SPACDR: variants seen among roughly 807,000 people sequenced by gnomAD.
SPACDR encodes uncharacterized protein C7orf61.
chr7:100,462,464 C>T, the SPACDR span, among the ~76,000 whole-genome samples: 5 of 151,752 alleles, frequency 3.3e-5, no homozygotes, highest in South Asian at 2.1e-4. Context: ...CAGCCTGCCT[C>T]GGCCTCCCAA....
At chr7:100,456,654 G>T in the SPACDR span, 1 of 803,930 alleles carries the variant, frequency 1.2e-6, no homozygotes, top group Non-Finnish European at 2.0e-6. Flanking sequence ...CCAATATTTT[G>T]ATACTTGTTT....
At chr7:100,461,462 G>A in the SPACDR span, among the ~76,000 whole-genome samples, 209 of 152,050 alleles carry the variant, frequency 1.4e-3, no homozygotes, top group Non-Finnish European at 2.3e-3. Flanking sequence ...ATTTTTTGTA[G>A]AGAGAGGGTT....
the SPACDR span, among the ~76,000 whole-genome samples, chr7:100,461,614 C>T: frequency 5.3e-5 from 8 of 152,102 alleles, no homozygotes; most frequent in Non-Finnish European, 8.8e-5. Flanking sequence ...ACACCCCTCC[C>T]ACTCCCTCCA....
chr7:100,456,807 G>A, the SPACDR span: 7 of 1,613,278 alleles, frequency 4.3e-6, no homozygotes, highest in Middle Eastern at 1.6e-4. Flanking sequence ...GGGTCGGGGG[G>A]CAGCATGGCA....
the SPACDR span, among the ~76,000 whole-genome samples, chr7:100,462,839 G>A: frequency 6.8e-6 from 1 of 146,126 alleles, no homozygotes; most frequent in African/African-American, 2.5e-5. Flanking sequence ...GCCGGGCATG[G>A]TGGCTCATGC....
chr7:100,463,430 G>A, the SPACDR span: 3 of 1,613,522 alleles, frequency 1.9e-6, no homozygotes, highest in Non-Finnish European at 2.5e-6. Flanking sequence ...AGACTTGACG[G>A]CCGTCCTCGG....
chr7:100,459,003 T>TC, the SPACDR span, among the ~76,000 whole-genome samples: 131 of 141,460 alleles, frequency 9.3e-4, 4 homozygotes, highest in Non-Finnish European at 9.4e-4. Context: ...CTTTTTACCT[T>TC]TTTTTTTTTT....
the SPACDR span, chr7:100,463,255 T>A: frequency 3.9e-3 from 3,578 of 916,184 alleles, 78 homozygotes; most frequent in East Asian, 0.042. Flanking sequence ...ATTACAGGCG[T>A]GAGTCACTGC....
chr7:100,463,484 G>A, the SPACDR span: 45 of 1,613,822 alleles, frequency 2.8e-5, no homozygotes, highest in Admixed American at 1.2e-4. Flanking sequence ...CTCCACCTCG[G>A]TCTCCTCTGT....
chr7:100,457,618 C>CA, the SPACDR span, among the ~76,000 whole-genome samples: 1 of 93,526 alleles, frequency 1.1e-5, no homozygotes, highest in Non-Finnish European at 2.1e-5. Context: ...CATGCCTGGC[C>CA]TTTTTTTTTT....
At chr7:100,461,432 G>A in the SPACDR span, among the ~76,000 whole-genome samples, 4 of 151,554 alleles carry the variant, frequency 2.6e-5, no homozygotes, top group Non-Finnish European at 5.9e-5. Context: ...GTGAGCCACC[G>A]ATTCCTGGCT....
the SPACDR span, chr7:100,463,243 G>T: frequency 1.2e-6 from 1 of 805,694 alleles, no homozygotes; most frequent in Non-Finnish European, 1.9e-6. Flanking sequence ...CAAAGTGCTG[G>T]GATTACAGGC....
At chr7:100,463,326 T>G in the SPACDR span, 1 of 1,499,084 alleles carries the variant, frequency 6.7e-7, no homozygotes, top group African/African-American at 1.4e-5. Flanking sequence ...CACTGGGGGC[T>G]GGGGAAAGAG....
At chr7:100,458,686 G>A in the SPACDR span, among the ~76,000 whole-genome samples, 1 of 152,200 alleles carries the variant, frequency 6.6e-6, no homozygotes, top group African/African-American at 2.4e-5. Context: ...AGCACTTTGG[G>A]AGGCCAAGGT....
the SPACDR span, chr7:100,456,888 A>G: frequency 6.2e-7 from 1 of 1,613,744 alleles, no homozygotes; most frequent in South Asian, 1.1e-5. Flanking sequence ...AACGGCCCAC[A>G]GCACCAGGTA....
the SPACDR span, chr7:100,463,697 A>C: frequency 4.3e-6 from 7 of 1,609,912 alleles, no homozygotes; most frequent in Middle Eastern, 1.7e-4. Flanking sequence ...CTGAGAACCA[A>C]GACACAGAGA....
the SPACDR span, among the ~76,000 whole-genome samples, chr7:100,458,464 G>T: frequency 1.3e-5 from 2 of 151,996 alleles, no homozygotes; most frequent in African/African-American, 4.8e-5. Flanking sequence ...CCCTCATGTT[G>T]TCCTTTAATA....
the SPACDR span, chr7:100,456,861 C>CGGCG: frequency 6.2e-7 from 1 of 1,613,444 alleles, no homozygotes; most frequent in South Asian, 1.1e-5. Context: ...GCGGTACAGC[C>CGGCG]GGCGCAGGTG....
At chr7:100,464,095 G>GGGGGGGGGGTT in the SPACDR span, 1 of 1,453,562 alleles carries the variant, frequency 6.9e-7, no homozygotes, top group Non-Finnish European at 9.2e-7. Flanking sequence ...TGGCGGGTGG[G>GGGGGGGGGGTT]GGATGGGGTG....
Sources: allele counts gnomAD v4.1 joint callset (sites outside exome capture counted in the v4.1 genomes callset), GRCh38; gene constraint gnomAD v4.1.1; transcripts MANE v1.5; gene names NCBI Gene and HGNC (gene_info 2026-07-23, HGNC 2026-07-21).